The following RALGAPA2 variants were observed in gnomAD, a reference collection of about 807,000 sequenced individuals.
The protein encoded by RALGAPA2 is ral GTPase-activating protein subunit alpha-2.
Under a neutral mutation model 230.4 loss-of-function variants are expected in RALGAPA2, and 139 were observed. The observed-to-expected ratio is 0.60, with a 90% confidence interval of 0.53 to 0.69. The LOEUF is 0.69. Ranked by LOEUF, RALGAPA2 falls within the 30% of genes least tolerant of loss-of-function variation. The probability of loss-of-function intolerance (pLI) is 0.00; values close to 1 mark genes in which losing one functional copy is unlikely to be tolerated. For missense variants in RALGAPA2, 2,163 were observed against 2,276.0 expected (o/e 0.95, Z 1.01); for synonymous variants, 847 against 837.8 (o/e 1.01, Z -0.19).
Position 20,599,345 on chromosome 20 carries a change from T to C in RALGAPA2, c.2203+2337A>G, listed in dbSNP as rs115301201. On this transcript the variant is annotated intron_variant, in intron 16 of 39. Transcript: ENST00000202677. ...TGATATTTGAGGAAAAGGTAAAATC[T>C]CCATGAAACCCATCCTTTTATGTCA... Among the ~76,000 whole-genome samples the C allele has an allele frequency of 3.8e-3, 577 of 152,336 alleles. 2 individuals are homozygous for C. The highest frequency in any genetic ancestry group is 0.013 in the African/African-American group (544 of 41,572).
chr20:20,651,122 T>TA (rs1420706831), intron 4 of RALGAPA2, among the ~76,000 whole-genome samples: 1 of 152,186 alleles, frequency 6.6e-6, no homozygotes, highest in Non-Finnish European at 1.5e-5. Context: ...CTGGAAGTGT[T>TA]ATGTTAAGAT....
At position 20,393,053 on chromosome 20, in the gene RALGAPA2, C is replaced by A. The variant is rs1326503930; in HGVS notation, c.*236G>T. 7.7e-7 allele frequency: 1 copy of A among 1,300,162 alleles called. No homozygotes were observed. Among genetic ancestry groups the A allele is most frequent in the Non-Finnish European group, 1.0e-6 (1 of 976,298 alleles). The allele number at this position is 1,300,162 out of a possible 1,614,324, so 80.5% of individuals were successfully genotyped here. On this transcript the variant is annotated 3_prime_UTR_variant, in exon 40 of 40. Coordinates refer to ENST00000202677, the MANE Select transcript of RALGAPA2 (RefSeq NM_020343.4). The stretch of plus-strand genomic sequence containing the variant: ...AGATGATACAGCCTAGTTTGAGTCC[C>A]ATCTGAGACACGGTAGTGGGATTCA...
intron 26 of RALGAPA2, among the ~76,000 whole-genome samples, chr20:20,534,391 G>C (rs935635897): frequency 6.6e-6 from 1 of 151,844 alleles, no homozygotes; most frequent in Non-Finnish European, 1.5e-5. Flanking sequence ...TTTGCAGTGA[G>C]CCGAGATTGT....
intron 37 of RALGAPA2, among the ~76,000 whole-genome samples, chr20:20,444,372 C>T (rs760570061): frequency 9.2e-5 from 14 of 152,164 alleles, no homozygotes; most frequent in Admixed American, 3.3e-4. Flanking sequence ...TCTCCTACAC[C>T]CTAGCACATC....
chr20:20,436,429 T>G (rs1293790772), intron 37 of RALGAPA2, among the ~76,000 whole-genome samples: 1 of 152,218 alleles, frequency 6.6e-6, no homozygotes, highest in East Asian at 1.9e-4. Context: ...TCAAACACGT[T>G]ACTTATCTAT....
intron 6 of RALGAPA2, among the ~76,000 whole-genome samples, chr20:20,640,340 CG>C (rs2066991083): frequency 6.6e-6 from 1 of 152,122 alleles, no homozygotes; most frequent in Non-Finnish European, 1.5e-5. Context: ...TGTCCACTTA[CG>C]AACAACAGTG....
intron 20 of RALGAPA2, 24 bp downstream of exon 20, chr20:20,583,026 C>T (rs1215390935): frequency 8.1e-6 from 13 of 1,607,388 alleles, no homozygotes; most frequent in Non-Finnish European, 1.1e-5. Flanking sequence ...TGCATTAGTG[C>T]CTCTTTTTCA....
intron 37 of RALGAPA2, among the ~76,000 whole-genome samples, chr20:20,470,594 C>G (rs1286015849): frequency 6.6e-6 from 1 of 152,114 alleles, no homozygotes; most frequent in Non-Finnish European, 1.5e-5. Context: ...ACACCTAGAA[C>G]CGGGGCTGGC....
chr20:20,434,615 T>C lies in RALGAPA2; in HGVS notation c.5496-22467A>G, dbSNP rs373125005. On this transcript the variant is annotated intron_variant, in intron 37 of 39. Coordinates refer to ENST00000202677, the MANE Select transcript of RALGAPA2 (RefSeq NM_020343.4). ...TAAAGCAGTCTGCCATTGCCTTTCA[T>C]CTGTTTGGGTAGAGGACTATATTAA... Among the ~76,000 whole-genome samples, 11 of 152,278 alleles carry C rather than the reference T, an allele frequency of 7.2e-5. No individual in the cohort carries two copies. The East Asian group carries it at 1.4e-3, about 19-fold the overall frequency.
At chr20:20,480,739 T>C (rs1203595601) in intron 36 of RALGAPA2, among the ~76,000 whole-genome samples, 1 of 152,198 alleles carries the variant, frequency 6.6e-6, no homozygotes, top group African/African-American at 2.4e-5. Flanking sequence ...CCTGATCCCA[T>C]GCTCAATGGT....
chr20:20,514,625 G>A (rs2062816445), intron 31 of RALGAPA2, among the ~76,000 whole-genome samples: 1 of 152,084 alleles, frequency 6.6e-6, no homozygotes, highest in South Asian at 2.1e-4. Context: ...CAAGAATTCA[G>A]AGCACCCACT....
intron 34 of RALGAPA2, 128 bp downstream of exon 34, chr20:20,505,283 C>A: frequency 8.1e-7 from 1 of 1,240,102 alleles, no homozygotes; most frequent in East Asian, 3.1e-5. Flanking sequence ...ATAAATTCTT[C>A]AATTCCAGAA....
chr20:20,550,148 T>C (rs1056675231), intron 23 of RALGAPA2, among the ~76,000 whole-genome samples: 4 of 152,264 alleles, frequency 2.6e-5, no homozygotes, highest in Admixed American at 2.0e-4. Context: ...CCTTCCACCC[T>C]TTCCCCCAAG....
intron 37 of RALGAPA2, among the ~76,000 whole-genome samples, chr20:20,422,821 T>C (rs1431286704): frequency 6.6e-6 from 1 of 152,160 alleles, no homozygotes; most frequent in Admixed American, 6.5e-5. Context: ...GTCTTGTCCT[T>C]CACAGCATTC....
intron 37 of RALGAPA2, chr20:20,472,233 A>G (rs138705748): frequency 6.6e-6 from 1 of 152,326 alleles, no homozygotes; most frequent in East Asian, 1.9e-4. Context: ...GAAAATATCA[A>G]TGATTTGGGA....
intron 37 of RALGAPA2, among the ~76,000 whole-genome samples, chr20:20,422,015 G>C (rs1341724616): frequency 6.6e-6 from 1 of 152,186 alleles, no homozygotes; most frequent in Non-Finnish European, 1.5e-5. Context: ...TATGCTAAGT[G>C]AAAGAAGTCA....
intron 33 of RALGAPA2, among the ~76,000 whole-genome samples, chr20:20,507,070 G>A (rs1052358743): frequency 2.0e-5 from 3 of 152,134 alleles, no homozygotes; most frequent in Non-Finnish European, 4.4e-5. Context: ...ACTACATTCT[G>A]TTTTACAACA....
chr20:20,610,485 C>T (rs185783540), intron 14 of RALGAPA2, among the ~76,000 whole-genome samples: 12 of 152,246 alleles, frequency 7.9e-5, no homozygotes, highest in Non-Finnish European at 2.9e-5. Flanking sequence ...CACCAAAGAC[C>T]GGCCCAGCCC....
chr20:20,593,090 GT>G (rs1311354800), intron 16 of RALGAPA2, among the ~76,000 whole-genome samples: 1 of 152,114 alleles, frequency 6.6e-6, no homozygotes, highest in African/African-American at 2.4e-5. Flanking sequence ...AAAAATTTTT[GT>G]CTTTTCACAG....
Sources: gnomAD v4.1 joint callset for allele counts (sites outside exome capture counted in the v4.1 genomes callset) on GRCh38, gnomAD v4.1.1 for gene constraint, MANE v1.5 for transcripts, NCBI Gene and HGNC (gene_info 2026-07-23, HGNC 2026-07-21) for gene names.